RAI1: variants seen among roughly 807,000 people sequenced by gnomAD.
RAI1 encodes the protein retinoic acid-induced protein 1.
Under a neutral mutation model 123.8 loss-of-function variants are expected in RAI1, and 9 were observed. The ratio of observed to expected loss-of-function variants is 0.07; its 90% CI spans 0.04 to 0.13. The LOEUF (loss-of-function observed/expected upper bound fraction) is 0.13, where lower values mean the gene tolerates loss of function less well. Among genes scored for constraint, RAI1 ranks in the 10% least tolerant of loss-of-function variants. RAI1 has a pLI of 1.00. For synonymous variants in RAI1, 1,231 were observed against 1,127.3 expected (o/e 1.09, Z -1.84); for missense variants, 2,256 against 2,545.8 (o/e 0.89, Z 2.45).
chr17:17,732,514 A>C, intron 2 of RAI1, among the ~76,000 whole-genome samples: 1 of 152,138 alleles, frequency 6.6e-6, no homozygotes. Context: ...CATCTCCTCT[A>C]TAAAGGGCTT....
chr17:17,805,487 C>T (rs988423741), intron 4 of RAI1, among the ~76,000 whole-genome samples: 4 of 152,154 alleles, frequency 2.6e-5, no homozygotes, highest in Admixed American at 6.5e-5. Context: ...TCCAGGCCCC[C>T]CCAGGCTCCC....
At chr17:17,746,745 C>G (rs1169695066) in intron 2 of RAI1, among the ~76,000 whole-genome samples, 1 of 148,724 alleles carries the variant, frequency 6.7e-6, no homozygotes, top group African/African-American at 2.5e-5. Context: ...AAGCAATTCT[C>G]CTGCCTCAGC....
intron 2 of RAI1, among the ~76,000 whole-genome samples, chr17:17,741,091 GCACACA>G (rs773544376): frequency 1.2e-4 from 14 of 119,890 alleles, no homozygotes; most frequent in Admixed American, 9.6e-4. Context: ...AAGCGCGCGC[GCACACA>G]CACACACACA....
At chr17:17,696,936 G>A (rs1046436285) in intron 1 of RAI1, among the ~76,000 whole-genome samples, 9 of 152,192 alleles carry the variant, frequency 5.9e-5, no homozygotes, top group Non-Finnish European at 1.0e-4. Context: ...CTTCCTAGGA[G>A]TTGGTTTCTG....
chr17:17,794,546 A>G lies in RAI1; in HGVS notation c.1598A>G (p.Asn533Ser), dbSNP rs542908784. The G allele has an allele frequency of 1.6e-5, 26 of 1,613,144 alleles. No homozygotes were observed. The African/African-American group carries it at 1.9e-4, about 12-fold the overall frequency. The change falls in exon 3 of 6, where the codon AAC becomes AGC. Residue 533 changes from asparagine (N) to serine (S), a missense_variant. Physicochemically the swap from Asn to Ser is conservative, Grantham distance 46 (BLOSUM62 1). Transcript: ENST00000353383. ...CTGGAGCGCAGCTTCCTCTACTGCA[A>G]CCAGGCCCGTGGCAGCCCTGCCAGG... ...DPLERSFLYC[N>S]QARGSPARVN...
rs752875678 is a variant in RAI1 at position 17,796,985 on chromosome 17, G to T, written c.4037G>T (p.Cys1346Phe). The change falls in exon 3 of 6, where the codon TGT (cysteine) becomes TTT (phenylalanine). Residue 1346 changes from cysteine to phenylalanine, a missense_variant. Coordinates refer to ENST00000353383, the MANE Select transcript of RAI1 (RefSeq NM_030665.4). The surrounding 1 kb of genome is among the most constrained non-coding windows in gnomAD (Gnocchi z 5.8). ...ITSPSLKKFA[C>F]KAPGASPGNP... ...TCGCCCAGCCTCAAGAAGTTCGCAT[G>T]TAAAGCGCCAGGGGCCTCTCCTGGT... is the stretch of plus-strand genomic sequence containing the variant. 6 of 1,613,878 alleles carry T rather than the reference G, an allele frequency of 3.7e-6. No homozygotes were observed. In the South Asian group the frequency reaches 6.6e-5, roughly 18 times the overall value.
At chr17:17,768,714 G>A (rs1319923137) in intron 2 of RAI1, among the ~76,000 whole-genome samples, 2 of 152,246 alleles carry the variant, frequency 1.3e-5, no homozygotes, top group African/African-American at 2.4e-5. Context: ...GACACAAGAC[G>A]ACTCAGGTTG....
At chr17:17,788,733 CCT>C (rs2031915164) in intron 2 of RAI1, among the ~76,000 whole-genome samples, 1 of 152,148 alleles carries the variant, frequency 6.6e-6, no homozygotes, top group South Asian at 2.1e-4. Flanking sequence ...TTTCTTTCTC[CCT>C]CTCTCCCTGC....
chr17:17,744,772 A>AGTGCT (rs200696997), intron 2 of RAI1, among the ~76,000 whole-genome samples: 2,881 of 132,828 alleles, frequency 0.022, 107 homozygotes, highest in African/African-American at 0.077. Flanking sequence ...CCTGGGTGAC[A>AGTGCT]GGTTGAGACT....
At chr17:17,733,847 A>G (rs2142953664) in intron 2 of RAI1, among the ~76,000 whole-genome samples, 1 of 152,310 alleles carries the variant, frequency 6.6e-6, no homozygotes, top group Admixed American at 6.5e-5. Context: ...GCTGTGAGGG[A>G]CAGAGAATAC....
rs1168254779 is a variant in RAI1, at chr17:17,809,590, G to A, written c.5709+151G>A. 2.1e-5 allele frequency: 18 copies of A among 852,216 alleles called. No individual in the cohort carries two copies. The East Asian group carries it at 2.7e-4, about 13-fold the overall frequency. The allele number at this position is 852,216 out of a possible 1,614,324, so 52.8% of individuals were successfully genotyped here. ...AGGGAGCTCTCCCCGCCCACCCCCA[G>A]GAGCCCCCGCCGCCGTCCAGCTCAG... On this transcript the variant is annotated intron_variant, in intron 5 of 5. Coordinates refer to ENST00000353383, the MANE Select transcript of RAI1 (RefSeq NM_030665.4). The surrounding 1 kb of genome is among the most constrained non-coding windows in gnomAD (Gnocchi z 4.9).
At chr17:17,719,645 C>CA (rs1204793684) in intron 1 of RAI1, among the ~76,000 whole-genome samples, 2 of 152,202 alleles carry the variant, frequency 1.3e-5, no homozygotes, top group Non-Finnish European at 2.9e-5. Flanking sequence ...TCTTGTCTGT[C>CA]AAGACTAGAA....
At chr17:17,701,884 G>T (rs1162339601) in intron 1 of RAI1, among the ~76,000 whole-genome samples, 1 of 152,232 alleles carries the variant, frequency 6.6e-6, no homozygotes, top group Non-Finnish European at 1.5e-5. Flanking sequence ...CCTGTGTCAG[G>T]CAATGCTGAG....
At chr17:17,751,643 A>G (rs142562106) in intron 2 of RAI1, among the ~76,000 whole-genome samples, 1 of 152,302 alleles carries the variant, frequency 6.6e-6, no homozygotes, top group Non-Finnish European at 1.5e-5. Flanking sequence ...TCCTGCGGGC[A>G]CACTACTGCC....
chr17:17,698,089 G>C (rs1014903188), intron 1 of RAI1, among the ~76,000 whole-genome samples: 3 of 152,204 alleles, frequency 2.0e-5, no homozygotes, highest in African/African-American at 7.2e-5. Flanking sequence ...GGAGTTCGGT[G>C]GTCAAGGTGG....
chr17:17,757,454 G>A lies in RAI1; in HGVS notation c.-17+33295G>A, dbSNP rs1285276915. On this transcript the variant is annotated intron_variant, in intron 2 of 5. Coordinates refer to ENST00000353383, the MANE Select transcript of RAI1 (RefSeq NM_030665.4). ...AACCCCAGCCTGCCGTAGGGGTGGG[G>A]GACAGCCTGGCTGCAGCGGGGCCCA... Among the ~76,000 whole-genome samples, 6 of 152,154 alleles carry A rather than the reference G, an allele frequency of 3.9e-5. No homozygotes were observed. The East Asian group carries it at 7.7e-4, about 20-fold the overall frequency.
intron 1 of RAI1, among the ~76,000 whole-genome samples, chr17:17,717,546 C>A (rs1256256457): frequency 6.6e-6 from 1 of 152,000 alleles, no homozygotes; most frequent in African/African-American, 2.4e-5. Context: ...GGCTCTATAA[C>A]CCTCCTTCTC....
intron 2 of RAI1, chr17:17,765,770 G>A (rs1376178590): frequency 6.6e-6 from 1 of 152,280 alleles, no homozygotes; most frequent in Non-Finnish European, 1.5e-5. Context: ...TGGACACACA[G>A]GATGAAGGGC....
In RAI1 at chr17:17,793,991, G is replaced by A. The variant is rs988483384; in HGVS notation, c.1043G>A (p.Arg348His). 5.0e-6 allele frequency: 8 copies of A among 1,613,668 alleles called. No homozygotes were observed. The highest frequency in any genetic ancestry group is 1.3e-5 in the African/African-American group (1 of 74,870). The change falls in exon 3 of 6, where the codon CGC (arginine) becomes CAC (histidine). Residue 348 changes from arginine to histidine, a missense_variant. Transcript: ENST00000353383. ...FSPSSSHSPA[R>H]SVGRSPSYSS... is the part of the protein sequence containing the mutation. ...CCCAGCTCCAGCCACTCACCCGCCC[G>A]CTCCGTGGGCCGCTCACCTTCCTAC...
Sources: allele counts gnomAD v4.1 joint callset (sites outside exome capture counted in the v4.1 genomes callset), GRCh38; gene constraint gnomAD v4.1.1; non-coding constraint Gnocchi (gnomAD v3.1); transcripts MANE v1.5; gene names NCBI Gene and HGNC (gene_info 2026-07-23, HGNC 2026-07-21).